Variants in AFG1L observed in about 807,000 individuals in gnomAD.
AFG1L encodes AFG1-like ATPase.
In AFG1L, 53 loss-of-function variants were observed where a neutral mutation model predicts 62.2. That is an observed-to-expected ratio of 0.85 (90% CI 0.68 to 1.07). The LOEUF is 1.07. Ranked by LOEUF, AFG1L falls within the 50% of genes least tolerant of loss-of-function variation. The pLI is 0.00. For missense variants in AFG1L, 555 were observed against 590.5 expected (o/e 0.94, Z 0.62); for synonymous variants, 228 against 210.3 (o/e 1.08, Z -0.73).
intron 11 of AFG1L, 83 bp downstream of exon 11, chr6:108,510,435 A>G: frequency 3.8e-6 from 4 of 1,065,508 alleles, no homozygotes; most frequent in Non-Finnish European, 4.1e-6. Context: ...CTGACTTAAC[A>G]TACTTCTATC....
intron 7 of AFG1L, among the ~76,000 whole-genome samples, chr6:108,413,049 CA>C (rs1782190012): frequency 6.6e-6 from 1 of 151,028 alleles, no homozygotes; most frequent in Admixed American, 6.6e-5. Flanking sequence ...CACATGGGCT[CA>C]AAATAAAAGG....
intron 3 of AFG1L, among the ~76,000 whole-genome samples, chr6:108,349,876 C>A (rs190226957): frequency 9.2e-5 from 14 of 152,010 alleles, no homozygotes; most frequent in African/African-American, 3.4e-4. Flanking sequence ...GAGATTGCAC[C>A]ACTGCACTCC....
At chr6:108,470,389 AG>A (rs1355959585) in intron 8 of AFG1L, among the ~76,000 whole-genome samples, 1 of 152,096 alleles carries the variant, frequency 6.6e-6, no homozygotes, top group Non-Finnish European at 1.5e-5. Context: ...ATGGTGGAGG[AG>A]GGGTGGCAAT....
chr6:108,450,346 T>C (rs1772000088), intron 8 of AFG1L, among the ~76,000 whole-genome samples: 1 of 152,230 alleles, frequency 6.6e-6, no homozygotes, highest in Admixed American at 6.5e-5. Context: ...ATTTCTCTGA[T>C]GGCCAGTGAT....
intron 10 of AFG1L, among the ~76,000 whole-genome samples, chr6:108,495,648 T>G (rs1292763684): frequency 6.6e-6 from 1 of 152,212 alleles, no homozygotes; most frequent in Non-Finnish European, 1.5e-5. Flanking sequence ...GCAAGCAAGC[T>G]CTTTATTTTT....
chr6:108,472,673 C>T (rs1227997653), intron 8 of AFG1L, among the ~76,000 whole-genome samples: 4 of 150,260 alleles, frequency 2.7e-5, no homozygotes, highest in Admixed American at 6.7e-5. Context: ...GCTTGTTCAC[C>T]GAGCTATCTT....
rs114524159 is a variant in AFG1L, at chr6:108,477,360, C to T, written c.1062+68C>T. 1,780 of 860,108 alleles carry T rather than the reference C, an allele frequency of 2.1e-3. 29 individuals are homozygous for T. In the African/African-American group the frequency reaches 0.027, roughly 13 times the overall value. The allele number at this position is 860,108 out of a possible 1,614,324, so 53.3% of individuals were successfully genotyped here. A position where few individuals can be genotyped will look rare whatever the true frequency, so the allele number is the denominator to read the frequency against. On this transcript the variant is annotated intron_variant, in intron 10 of 12. Coordinates refer to ENST00000368977, the MANE Select transcript of AFG1L (RefSeq NM_145315.5). ...GTTAAAATACTTCGTGTTTTCCTCT[C>T]TGCCCATTTCAGATTTTAAAATACC...
intron 3 of AFG1L, among the ~76,000 whole-genome samples, chr6:108,354,462 G>T (rs1025350391): frequency 6.6e-6 from 1 of 151,990 alleles, no homozygotes; most frequent in Non-Finnish European, 1.5e-5. Flanking sequence ...CCACCACCAT[G>T]CCCAGCTAAT....
chr6:108,388,900 G>C (rs1252484730), intron 6 of AFG1L, among the ~76,000 whole-genome samples: 2 of 152,160 alleles, frequency 1.3e-5, no homozygotes, highest in Non-Finnish European at 2.9e-5. Flanking sequence ...GGTCTGCTTG[G>C]TGCAGAGCTG....
At chr6:108,395,403 C>CTTTTTTTTTTTTTTTTTTTTTT (rs71551344) in intron 6 of AFG1L, among the ~76,000 whole-genome samples, 1 of 122,940 alleles carries the variant, frequency 8.1e-6, no homozygotes, top group Non-Finnish European at 1.7e-5. Context: ...CTTTTCTTTT[C>CTTTTTTTTTTTTTTTTTTTTTT]TTTTTTTTTT....
At chr6:108,342,647 C>T (rs1218020273) in intron 2 of AFG1L, among the ~76,000 whole-genome samples, 2 of 152,024 alleles carry the variant, frequency 1.3e-5, no homozygotes, top group African/African-American at 2.4e-5. Flanking sequence ...GATTTTTAAA[C>T]CCCTTAAAAT....
chr6:108,420,467 GT>G (rs1770539481), intron 7 of AFG1L, among the ~76,000 whole-genome samples: 1 of 149,064 alleles, frequency 6.7e-6, no homozygotes, highest in African/African-American at 2.5e-5. Flanking sequence ...TTCCATATAT[GT>G]TTGGAAAAAT....
At chr6:108,423,282 A>T (rs1017383944) in intron 7 of AFG1L, among the ~76,000 whole-genome samples, 6 of 152,118 alleles carry the variant, frequency 3.9e-5, no homozygotes, top group South Asian at 2.1e-4. Context: ...TGATCAAGAT[A>T]AGAGCTGACA....
intron 1 of AFG1L, among the ~76,000 whole-genome samples, chr6:108,321,300 A>G (rs1777803661): frequency 6.6e-6 from 1 of 152,210 alleles, no homozygotes; most frequent in South Asian, 2.1e-4. Flanking sequence ...AAAGCATACA[A>G]TTCAGGGAGC....
chr6:108,515,740 T>G (rs1774854510), intron 11 of AFG1L, among the ~76,000 whole-genome samples: 1 of 151,712 alleles, frequency 6.6e-6, no homozygotes, highest in African/African-American at 2.4e-5. Flanking sequence ...TCACCAAAAT[T>G]GATAGACCAC....
At chr6:108,387,780 A>G (rs1213579853) in intron 6 of AFG1L, 2 of 152,224 alleles carry the variant, frequency 1.3e-5, no homozygotes, top group Non-Finnish European at 2.9e-5. Flanking sequence ...ATAGTTGACA[A>G]ATGTGTGCTA....
At chr6:108,333,278 C>T (rs954625381) in intron 2 of AFG1L, among the ~76,000 whole-genome samples, 1 of 151,882 alleles carries the variant, frequency 6.6e-6, no homozygotes, top group Non-Finnish European at 1.5e-5. Context: ...GGTGTGGTGG[C>T]GGGCGCCTGT....
chr6:108,324,371 G>A (rs1355021270), intron 2 of AFG1L, among the ~76,000 whole-genome samples: 3 of 152,196 alleles, frequency 2.0e-5, no homozygotes, highest in East Asian at 3.8e-4. Context: ...GGAGTGATGT[G>A]TTCTTTCCCT....
chr6:108,388,493 T>C (rs1780874850), intron 6 of AFG1L, among the ~76,000 whole-genome samples: 1 of 152,232 alleles, frequency 6.6e-6, no homozygotes, highest in South Asian at 2.1e-4. Context: ...AGATCTTTCC[T>C]GCTTTCTCCT....
Sources: gnomAD v4.1 joint callset for allele counts (sites outside exome capture counted in the v4.1 genomes callset) on GRCh38, gnomAD v4.1.1 for gene constraint, MANE v1.5 for transcripts, NCBI Gene and HGNC (gene_info 2026-07-23, HGNC 2026-07-21) for gene names.